LHFPL4: variants seen among roughly 807,000 people sequenced by gnomAD.
The protein encoded by LHFPL4 is LHFPL tetraspan subfamily member 4 protein.
A neutral mutation model predicts 20.0 loss-of-function variants in LHFPL4; 6 were observed. The ratio of observed to expected loss-of-function variants is 0.30; its 90% CI spans 0.16 to 0.59. The LOEUF (loss-of-function observed/expected upper bound fraction) is 0.59, where lower values mean the gene tolerates loss of function less well. Among genes scored for constraint, LHFPL4 ranks in the 20% least tolerant of loss-of-function variants. LHFPL4 has a pLI of 0.88. For missense variants in LHFPL4, 215 were observed against 331.2 expected (o/e 0.65, Z 2.72); for synonymous variants, 129 against 143.8 (o/e 0.90, Z 0.74).
chr3:9,541,842 G>A (rs2046478721), intron 2 of LHFPL4, among the ~76,000 whole-genome samples: 1 of 152,104 alleles, frequency 6.6e-6, no homozygotes, highest in Non-Finnish European at 1.5e-5. Flanking sequence ...AGGAAAACAG[G>A]GGTAAATCTT....
intron 2 of LHFPL4, among the ~76,000 whole-genome samples, chr3:9,546,936 G>A (rs987644595): frequency 3.3e-5 from 5 of 152,162 alleles, no homozygotes; most frequent in African/African-American, 1.2e-4. Flanking sequence ...ATTTCTCCAA[G>A]GCCCACAGTT....
chr3:9,510,158 A>T (rs1023026396), intron 2 of LHFPL4, among the ~76,000 whole-genome samples: 1 of 152,188 alleles, frequency 6.6e-6, no homozygotes, highest in Non-Finnish European at 1.5e-5. Flanking sequence ...CATACTGATT[A>T]AAAAATGTCA....
chr3:9,546,249 A>G (rs1268805903), intron 2 of LHFPL4, among the ~76,000 whole-genome samples: 1 of 149,236 alleles, frequency 6.7e-6, no homozygotes, highest in Admixed American at 6.7e-5. Context: ...CGGGAGACAG[A>G]GATTGCAGTG....
intron 2 of LHFPL4, among the ~76,000 whole-genome samples, chr3:9,510,000 G>A (rs919476156): frequency 6.6e-6 from 1 of 152,226 alleles, no homozygotes; most frequent in Non-Finnish European, 1.5e-5. Flanking sequence ...ATACACGGGT[G>A]CAGGATGGCA....
In LHFPL4 at chr3:9,521,410, T is replaced by G. The variant is rs192057005; in HGVS notation, c.407-15207A>C. On this transcript the variant is annotated intron_variant, in intron 2 of 3. Coordinates refer to ENST00000287585, the MANE Select transcript of LHFPL4 (RefSeq NM_198560.3). ...TGGCTAATTTTTTTTCTACTTTTTTTTTTTTTTATTAGACGGAGTCTCACT... is the reference window on the plus strand; with the variant it reads ...TGGCTAATTTTTTTTCTACTTTTTTGTTTTTTTATTAGACGGAGTCTCACT... Among the ~76,000 whole-genome samples, 867 of 151,386 alleles carry G rather than the reference T, an allele frequency of 5.7e-3. 5 individuals are homozygous for G. The highest frequency in any genetic ancestry group is 0.024 in the Middle Eastern group (7 of 294).
At chr3:9,521,605 A>G (rs2046338219) in intron 2 of LHFPL4, among the ~76,000 whole-genome samples, 1 of 150,838 alleles carries the variant, frequency 6.6e-6, no homozygotes, top group Non-Finnish European at 1.5e-5. Context: ...GGGTTTCGCC[A>G]TGTTAGCCAG....
At chr3:9,527,342 G>A (rs530762468) in intron 2 of LHFPL4, among the ~76,000 whole-genome samples, 11 of 152,308 alleles carry the variant, frequency 7.2e-5, no homozygotes, top group Non-Finnish European at 1.3e-4. Flanking sequence ...GCCAAGGCAG[G>A]TGGACCACTT....
chr3:9,528,223 T>C (rs925715982), intron 2 of LHFPL4, among the ~76,000 whole-genome samples: 1 of 152,236 alleles, frequency 6.6e-6, no homozygotes, highest in African/African-American at 2.4e-5. Flanking sequence ...ACAGAACTTC[T>C]TTCAACATTG....
chr3:9,540,119 T>C (rs1340776560), intron 2 of LHFPL4, among the ~76,000 whole-genome samples: 1 of 152,186 alleles, frequency 6.6e-6, no homozygotes, highest in African/African-American at 2.4e-5. Context: ...TATACTTACA[T>C]ATGTATTAGA....
At position 9,516,463 on chromosome 3, in the gene LHFPL4, C is replaced by T. The variant is rs930727320; in HGVS notation, c.407-10260G>A. Reference sequence around the variant, plus strand: ...CAATTTGCCCGTTCTTTCACCAGTACCACACTGTCTTTTTTTTTTTCTCTT... The same window carrying T: ...CAATTTGCCCGTTCTTTCACCAGTATCACACTGTCTTTTTTTTTTTCTCTT... On this transcript the variant is annotated intron_variant, in intron 2 of 3. Transcript: ENST00000287585. Among the ~76,000 whole-genome samples, 8 of 151,960 alleles carry T rather than the reference C, an allele frequency of 5.3e-5. No homozygotes were observed. In the East Asian group the frequency reaches 1.4e-3, roughly 26 times the overall value.
intron 2 of LHFPL4, among the ~76,000 whole-genome samples, chr3:9,534,922 G>A (rs111241101): frequency 5.9e-5 from 9 of 152,136 alleles, no homozygotes; most frequent in Admixed American, 1.3e-4. Context: ...TGTTCATCAC[G>A]TTGCTGTTTA....
intron 2 of LHFPL4, among the ~76,000 whole-genome samples, chr3:9,516,273 ATATTAT>A (rs1006245039): frequency 1.3e-5 from 2 of 151,702 alleles, no homozygotes; most frequent in East Asian, 3.9e-4. Flanking sequence ...GTCTATGTCC[ATATTAT>A]TATTATTATT....
chr3:9,527,663 T>C (rs1041372944), intron 2 of LHFPL4, among the ~76,000 whole-genome samples: 1 of 151,828 alleles, frequency 6.6e-6, no homozygotes, highest in African/African-American at 2.4e-5. Context: ...GCCAAGATCA[T>C]GCCACTGCAC....
At chr3:9,518,287 T>C (rs1049490979) in intron 2 of LHFPL4, among the ~76,000 whole-genome samples, 3 of 152,216 alleles carry the variant, frequency 2.0e-5, no homozygotes, top group Non-Finnish European at 4.4e-5. Context: ...ATTCTTTTTA[T>C]AGATTATTGA....
At chr3:9,523,988 C>T (rs138404062) in intron 2 of LHFPL4, among the ~76,000 whole-genome samples, 34 of 139,426 alleles carry the variant, frequency 2.4e-4, no homozygotes, top group Non-Finnish European at 4.6e-4. Flanking sequence ...GTATTTCCCC[C>T]CCCCCCAACA....
intron 3 of LHFPL4, among the ~76,000 whole-genome samples, chr3:9,502,808 C>T (rs77430098): frequency 0.022 from 3,409 of 152,182 alleles, 51 homozygotes; most frequent in Non-Finnish European, 0.034. Context: ...CATTTAACCT[C>T]TCTGAGCCCC....
At chr3:9,517,917 C>G (rs1317451415) in intron 2 of LHFPL4, among the ~76,000 whole-genome samples, 1 of 148,610 alleles carries the variant, frequency 6.7e-6, no homozygotes, top group African/African-American at 2.5e-5. Flanking sequence ...CCTTTTATTT[C>G]CTTTTCTTTT....
chr3:9,517,801 G>GTTTTTTTTTTT (rs1162876826), intron 2 of LHFPL4, among the ~76,000 whole-genome samples: 1 of 75,578 alleles, frequency 1.3e-5, no homozygotes, highest in Non-Finnish European at 3.4e-5. Context: ...GGGTTTTTTT[G>GTTTTTTTTTTT]TTTTTTGTTT....
At chr3:9,542,482 G>C (rs1224993318) in intron 2 of LHFPL4, among the ~76,000 whole-genome samples, 3 of 152,010 alleles carry the variant, frequency 2.0e-5, no homozygotes, top group Non-Finnish European at 4.4e-5. Flanking sequence ...CTTTGAAAAT[G>C]TTATGCTAAG....
Sources: allele counts gnomAD v4.1 joint callset (sites outside exome capture counted in the v4.1 genomes callset), GRCh38; gene constraint gnomAD v4.1.1; transcripts MANE v1.5; gene names NCBI Gene and HGNC (gene_info 2026-07-23, HGNC 2026-07-21).